The following PSMA8 variants were observed in gnomAD, a reference collection of about 807,000 sequenced individuals.
The protein encoded by PSMA8 is proteasome 20S subunit alpha 8, also known as proteasome subunit alpha-type 8.
In PSMA8, 18 loss-of-function variants were observed where a neutral mutation model predicts 32.4. That is an observed-to-expected ratio of 0.56 (90% CI 0.38 to 0.82). The LOEUF is 0.82. PSMA8 is among the 40% of genes least tolerant of loss of function. The pLI, the probability that PSMA8 is intolerant of heterozygous loss-of-function variation, is 0.00. For synonymous variants in PSMA8, 104 were observed against 98.1 expected (o/e 1.06, Z -0.36); for missense variants, 298 against 300.7 (o/e 0.99, Z 0.07).
At chr18:26,160,581 CTGTT>C (rs1379284112) in intron 4 of PSMA8, among the ~76,000 whole-genome samples, 2 of 151,808 alleles carry the variant, frequency 1.3e-5, no homozygotes, top group Non-Finnish European at 2.9e-5. Flanking sequence ...TTTTTTATGT[CTGTT>C]TGTTTTTTAC....
intron 4 of PSMA8, among the ~76,000 whole-genome samples, chr18:26,158,998 C>A (rs1008235020): frequency 1.3e-5 from 2 of 152,032 alleles, no homozygotes; most frequent in Non-Finnish European, 2.9e-5. Context: ...ACAATGCCCC[C>A]CTGCCCCCCG....
chr18:26,178,451 C>T (rs2144343673), intron 4 of PSMA8, among the ~76,000 whole-genome samples: 1 of 152,006 alleles, frequency 6.6e-6, no homozygotes, highest in Middle Eastern at 3.4e-3. Context: ...AAAAAATAAT[C>T]AGCTGAGTGT....
intron 4 of PSMA8, among the ~76,000 whole-genome samples, chr18:26,159,781 T>C (rs1166765493): frequency 6.6e-6 from 1 of 152,092 alleles, no homozygotes; most frequent in African/African-American, 2.4e-5. Flanking sequence ...TCAGTTCTCA[T>C]GGTGGGACAG....
chr18:26,143,763 C>T (rs912946425), intron 1 of PSMA8, among the ~76,000 whole-genome samples: 1 of 151,962 alleles, frequency 6.6e-6, no homozygotes, highest in Non-Finnish European at 1.5e-5. Flanking sequence ...GCTCTGTTGC[C>T]CAGGCTGGAG....
chr18:26,164,973 A>T (rs1424767605), intron 4 of PSMA8, among the ~76,000 whole-genome samples: 1 of 151,964 alleles, frequency 6.6e-6, no homozygotes, highest in Non-Finnish European at 1.5e-5. Flanking sequence ...GCTGGAGTGC[A>T]ATGGTACCAT....
chr18:26,172,862 C>T (rs926129537), intron 4 of PSMA8, among the ~76,000 whole-genome samples: 15 of 152,122 alleles, frequency 9.9e-5, no homozygotes, highest in Non-Finnish European at 1.9e-4. Flanking sequence ...CTAAGAAACC[C>T]TGAACTTGGG....
intron 4 of PSMA8, among the ~76,000 whole-genome samples, chr18:26,158,749 T>A (rs2055111210): frequency 1.3e-5 from 2 of 152,234 alleles, no homozygotes; most frequent in South Asian, 4.1e-4. Flanking sequence ...TAAGCTGTTA[T>A]TCTTGTTTTG....
intron 2 of PSMA8, among the ~76,000 whole-genome samples, chr18:26,148,520 T>A (rs1411423625): frequency 6.6e-6 from 1 of 152,112 alleles, no homozygotes; most frequent in Non-Finnish European, 1.5e-5. Context: ...CACCACAACA[T>A]AATTCAGGCT....
At chr18:26,186,022 C>T (rs1344523796) in intron 6 of PSMA8, among the ~76,000 whole-genome samples, 3 of 149,342 alleles carry the variant, frequency 2.0e-5, no homozygotes, top group Admixed American at 6.7e-5. Context: ...GGGTGGATCA[C>T]GAGGTCAGGA....
intron 3 of PSMA8, among the ~76,000 whole-genome samples, chr18:26,156,927 C>T (rs537682787): frequency 1.3e-5 from 2 of 150,892 alleles, no homozygotes; most frequent in African/African-American, 4.8e-5. Flanking sequence ...GCTGGTACCA[C>T]AGATGCACAC....
rs749936851 is a variant in PSMA8, at chr18:26,158,143, C to T, written c.376C>T (p.Arg126Ter). The change falls in exon 4 of 7, where the codon CGA becomes TGA. Residue 126 changes from arginine (R) to a stop codon, truncating the protein, a stop_gained. Transcript: ENST00000415576. LOFTEE classifies it high-confidence loss of function. ...LKQKYTQSNG[R>*]RPFGISALIV... Reference sequence around the variant, plus strand: ...CTAGAAATATACCCAAAGCAATGGACGAAGACCTTTTGGTATTTCTGCCTT... The same window carrying T: ...CTAGAAATATACCCAAAGCAATGGATGAAGACCTTTTGGTATTTCTGCCTT... 10 of 1,596,638 alleles carry T rather than the reference C, an allele frequency of 6.3e-6. No individual in the cohort carries two copies. Among genetic ancestry groups the T allele is most frequent in the African/African-American group, 5.4e-5 (4 of 74,572 alleles).
Position 26,185,271 on chromosome 18 carries a change from T to G in PSMA8, c.660+6141T>G, listed in dbSNP as rs1308161550. Among the ~76,000 whole-genome samples, 4 of 150,452 alleles carry G rather than the reference T, an allele frequency of 2.7e-5. 1 individual carries two copies. The highest frequency in any genetic ancestry group is 9.8e-5 in the African/African-American group (4 of 40,666). The stretch of plus-strand genomic sequence containing the variant: ...AAAACAAAAAAACTCCAACTCATAG[T>G]GACTTAAAGAACAAGAAATCGTTTT... On this transcript the variant is annotated intron_variant, in intron 6 of 6. Transcript: ENST00000415576.
chr18:26,135,731 C>A (rs2054906212), intron 1 of PSMA8, among the ~76,000 whole-genome samples: 1 of 152,044 alleles, frequency 6.6e-6, no homozygotes, highest in Non-Finnish European at 1.5e-5. Context: ...AATAAGAAAC[C>A]ACATTGGCTC....
intron 4 of PSMA8, among the ~76,000 whole-genome samples, chr18:26,175,814 T>G (rs944221778): frequency 6.6e-6 from 1 of 152,208 alleles, no homozygotes; most frequent in African/African-American, 2.4e-5. Flanking sequence ...TCTCTTTTAG[T>G]CTTAGTCTTT....
chr18:26,163,237 A>G lies in PSMA8; in HGVS notation c.477+4993A>G, dbSNP rs1164683003. On this transcript the variant is annotated intron_variant, in intron 4 of 6. Transcript: ENST00000415576. ...TGTATATATATATATATATATATAT[A>G]TATATATATATATATATATATATAT... is the stretch of plus-strand genomic sequence containing the variant. 6.2e-3 allele frequency among the ~76,000 whole-genome samples: 799 copies of G among 128,574 alleles called. 33 individuals carry two copies. Among genetic ancestry groups the G allele is most frequent in the African/African-American group, 0.025 (754 of 30,538 alleles). The allele number at this position is 128,574 out of a possible 152,430, so 84.3% of individuals were successfully genotyped here.
Position 26,158,225 on chromosome 18 carries a change from G to T in PSMA8, c.458G>T (p.Gly153Val). The T allele has an allele frequency of 1.2e-6, 2 of 1,601,176 alleles. No homozygotes were observed. Among genetic ancestry groups the T allele is most frequent in the Non-Finnish European group, 1.7e-6 (2 of 1,174,508 alleles). Residue 153 changes from glycine to valine, a missense_variant, in exon 4 of 7, where the codon GGT (glycine) becomes GTT (valine). Gly to Val is a moderately radical substitution (Grantham distance 109). Coordinates refer to ENST00000415576, the MANE Select transcript of PSMA8 (RefSeq NM_001025096.2). ...ISRLYQTDPSGTYHAWKANAI... is the reference protein window; with the variant it reads ...ISRLYQTDPSVTYHAWKANAI... ...AGATTGTATCAGACAGATCCTTCTG[G>T]TACTTATCATGCTTGGAAGGTGAGT... is the stretch of plus-strand genomic sequence containing the variant.
At chr18:26,163,835 G>A (rs1198097117) in intron 4 of PSMA8, among the ~76,000 whole-genome samples, 2 of 152,206 alleles carry the variant, frequency 1.3e-5, no homozygotes, top group African/African-American at 4.8e-5. Flanking sequence ...ATAGATGGTA[G>A]AGAACTTAGG....
intron 4 of PSMA8, among the ~76,000 whole-genome samples, chr18:26,171,864 G>T (rs2055224633): frequency 6.6e-6 from 1 of 152,184 alleles, no homozygotes; most frequent in African/African-American, 2.4e-5. Flanking sequence ...AGACCCTCTG[G>T]GTCAGAAACA....
chr18:26,167,428 T>C (rs1343559076), intron 4 of PSMA8, among the ~76,000 whole-genome samples: 1 of 152,334 alleles, frequency 6.6e-6, no homozygotes, highest in East Asian at 1.9e-4. Context: ...CTCAAAAAAA[T>C]AGTTTTTCTT....
Sources: allele counts gnomAD v4.1 joint callset (sites outside exome capture counted in the v4.1 genomes callset), GRCh38; gene constraint gnomAD v4.1.1; transcripts MANE v1.5; gene names NCBI Gene and HGNC (gene_info 2026-07-23, HGNC 2026-07-21).